EFCAB6: variants seen among roughly 807,000 people sequenced by gnomAD.
EFCAB6 encodes EF-hand calcium-binding domain-containing protein 6.
In EFCAB6, 156 loss-of-function variants were observed where a neutral mutation model predicts 169.8. The observed-to-expected ratio is 0.92, with a 90% CI of 0.81 to 1.05. The LOEUF is 1.05. Ranked by LOEUF, EFCAB6 falls within the 50% of genes least tolerant of loss-of-function variation. The pLI is 0.00. For synonymous variants in EFCAB6, 698 were observed against 676.4 expected (o/e 1.03, Z -0.50); for missense variants, 1,800 against 1,829.1 (o/e 0.98, Z 0.29).
intron 4 of EFCAB6, among the ~76,000 whole-genome samples, chr22:43,768,561 T>G (rs140414088): frequency 3.9e-5 from 6 of 152,214 alleles, no homozygotes; most frequent in Non-Finnish European, 8.8e-5. Flanking sequence ...GACCTTGGCC[T>G]CCTGCAATGT....
At chr22:43,784,572 TACATATACACATATATATG>T (rs2061968503) in intron 2 of EFCAB6, among the ~76,000 whole-genome samples, 1 of 79,082 alleles carries the variant, frequency 1.3e-5, no homozygotes, top group Non-Finnish European at 2.4e-5. Context: ...TATATATGTG[TACATATACACATATATATG>T]TATATATACA....
rs2059353437 is a variant in EFCAB6 at position 43,716,982 on chromosome 22, C to G, written c.758-10G>C. ...TTCTCCAACGAGACCTCTGTTGAAACAAAATAGCTTCGGCTTATCAACATT... is the reference window on the plus strand; with the variant it reads ...TTCTCCAACGAGACCTCTGTTGAAAGAAAATAGCTTCGGCTTATCAACATT... On this transcript the variant is annotated splice_polypyrimidine_tract_variant and intron_variant, in intron 8 of 31. Coordinates refer to ENST00000262726, the MANE Select transcript of EFCAB6 (RefSeq NM_022785.4). The G allele has an allele frequency of 1.3e-6, 2 of 1,503,716 alleles. No homozygotes were observed. Among genetic ancestry groups the G allele is most frequent in the South Asian group, 1.4e-5 (1 of 69,574 alleles). 93.1% of individuals were successfully genotyped at this position (1,503,716 alleles called of 1,614,324 possible).
At chr22:43,574,507 G>A (rs2050106257) in intron 26 of EFCAB6, among the ~76,000 whole-genome samples, 1 of 152,164 alleles carries the variant, frequency 6.6e-6, no homozygotes, top group Non-Finnish European at 1.5e-5. Context: ...CTTAGTAGGT[G>A]CTCACCAAAT....
chr22:43,686,228 C>T (rs1328280360), intron 11 of EFCAB6, among the ~76,000 whole-genome samples: 1 of 152,224 alleles, frequency 6.6e-6, no homozygotes, highest in South Asian at 2.1e-4. Context: ...GATCCACCCA[C>T]CTCAGCCTCC....
At chr22:43,746,248 A>T (rs2060558969) in intron 6 of EFCAB6, among the ~76,000 whole-genome samples, 1 of 152,190 alleles carries the variant, frequency 6.6e-6, no homozygotes. Flanking sequence ...TTCTTTACTG[A>T]CCATAGGCAT....
At chr22:43,652,493 G>A (rs1015700809) in intron 17 of EFCAB6, among the ~76,000 whole-genome samples, 3 of 152,104 alleles carry the variant, frequency 2.0e-5, no homozygotes, top group African/African-American at 7.2e-5. Flanking sequence ...CAGGCTCTGA[G>A]TTAGAGCTTT....
At chr22:43,778,702 C>T (rs2061715616) in intron 3 of EFCAB6, among the ~76,000 whole-genome samples, 1 of 152,178 alleles carries the variant, frequency 6.6e-6, no homozygotes, top group African/African-American at 2.4e-5. Flanking sequence ...CTGTTGAAGG[C>T]AAGCATATGA....
At chr22:43,726,760 G>A (rs1476733387) in intron 8 of EFCAB6, among the ~76,000 whole-genome samples, 1 of 152,226 alleles carries the variant, frequency 6.6e-6, no homozygotes, top group African/African-American at 2.4e-5. Context: ...AACTATAGAT[G>A]TGCAGAGAAG....
intron 10 of EFCAB6, among the ~76,000 whole-genome samples, chr22:43,698,504 G>A (rs1051786863): frequency 2.0e-5 from 3 of 152,122 alleles, no homozygotes; most frequent in Admixed American, 6.5e-5. Flanking sequence ...GAGTGAAGAA[G>A]GTGTGGCAAT....
Position 43,701,730 on chromosome 22 carries a change from A to T in EFCAB6, c.1031+9745T>A, listed in dbSNP as rs1472127332. 1.5e-4 allele frequency among the ~76,000 whole-genome samples: 23 copies of T among 151,082 alleles called. No individual in the cohort carries two copies. The Middle Eastern group carries it at 0.01, about 68-fold the overall frequency. On this transcript the variant is annotated intron_variant, in intron 10 of 31. Transcript: ENST00000262726. ...TAAAGAGTTTTGTTTTAAACAATAA[A>T]AAAAAAAAAAAAGCAGAGTCACAGA...
At chr22:43,663,813 T>A (rs961764263) in intron 17 of EFCAB6, among the ~76,000 whole-genome samples, 1 of 152,134 alleles carries the variant, frequency 6.6e-6, no homozygotes, top group Non-Finnish European at 1.5e-5. Flanking sequence ...AAGTCTACAG[T>A]GTACCACCCA....
intron 20 of EFCAB6, among the ~76,000 whole-genome samples, chr22:43,623,200 T>G (rs2054227500): frequency 1.3e-5 from 2 of 152,196 alleles, no homozygotes; most frequent in Admixed American, 6.5e-5. Context: ...ACAGGAAGGA[T>G]CTGATCATGC....
At chr22:43,785,019 A>T (rs1247215078) in intron 2 of EFCAB6, among the ~76,000 whole-genome samples, 1 of 152,194 alleles carries the variant, frequency 6.6e-6, no homozygotes, top group Non-Finnish European at 1.5e-5. Context: ...ACCTAACAAG[A>T]GCCCCAATAT....
intron 10 of EFCAB6, among the ~76,000 whole-genome samples, chr22:43,697,391 A>G (rs2058613833): frequency 6.6e-6 from 1 of 152,210 alleles, no homozygotes; most frequent in Non-Finnish European, 1.5e-5. Context: ...GGTCTCAACT[A>G]TGTTAAGTAT....
Position 43,683,839 on chromosome 22 carries a change from C to T in EFCAB6, c.1159G>A (p.Glu387Lys), listed in dbSNP as rs906055620. Residue 387 changes from glutamate to lysine, a missense_variant, in exon 12 of 32, where the codon GAA (glutamate) becomes AAA (lysine). Physicochemically the swap from Glu to Lys is moderately conservative, Grantham distance 56 (BLOSUM62 1). Coordinates refer to ENST00000262726, the MANE Select transcript of EFCAB6 (RefSeq NM_022785.4). The stretch of plus-strand genomic sequence containing the variant: ...GTGATGATGTTTTCCTTGTGAGATT[C>T]ATTTCTAGAGTTGATGCTACAAGAG... ...TKRNSINSRN[E>K]SHKENIITKL... The T allele has an allele frequency of 1.9e-6, 3 of 1,611,446 alleles. No homozygotes were observed. In the South Asian group the frequency reaches 3.3e-5, roughly 18 times the overall value.
chr22:43,691,056 T>C (rs1211303782), intron 10 of EFCAB6, among the ~76,000 whole-genome samples: 1 of 152,126 alleles, frequency 6.6e-6, no homozygotes, highest in African/African-American at 2.4e-5. Flanking sequence ...TAAATGCCTC[T>C]TTCTATTTCT....
rs772636429 is a variant in EFCAB6 at position 43,668,959 on chromosome 22, G to GT, written c.1726dup (p.Thr576AsnfsTer15). The GT allele has an allele frequency of 1.1e-5, 17 of 1,613,598 alleles. No homozygotes were observed. Among genetic ancestry groups the GT allele is most frequent in the Non-Finnish European group, 1.4e-5 (17 of 1,179,794 alleles). On this transcript the variant is annotated frameshift_variant, in exon 16 of 32. Transcript: ENST00000262726. LOFTEE classifies it high-confidence loss of function. ...CTTTGGAACAAGAACTGGAGAGACA[G>GT]TGGGTGGGCCATCAATTCCTATGCA... is the stretch of plus-strand genomic sequence containing the variant.
chr22:43,594,275 C>CAAAAAAAAA (rs750560174), intron 23 of EFCAB6, among the ~76,000 whole-genome samples: 27 of 81,472 alleles, frequency 3.3e-4, no homozygotes, highest in African/African-American at 5.3e-4. Flanking sequence ...AACTCTGTTT[C>CAAAAAAAAA]AAAAAAAAAA....
At chr22:43,664,608 G>A (rs1413414475) in intron 17 of EFCAB6, among the ~76,000 whole-genome samples, 1 of 152,234 alleles carries the variant, frequency 6.6e-6, no homozygotes, top group Non-Finnish European at 1.5e-5. Flanking sequence ...GAGACTTGAA[G>A]GAGGCAAGGG....
Sources: allele counts gnomAD v4.1 joint callset (sites outside exome capture counted in the v4.1 genomes callset), GRCh38; gene constraint gnomAD v4.1.1; transcripts MANE v1.5; gene names NCBI Gene and HGNC (gene_info 2026-07-23, HGNC 2026-07-21).